The following PARP8 variants were observed in gnomAD, a reference collection of about 807,000 sequenced individuals.
The protein encoded by PARP8 is protein mono-ADP-ribosyltransferase PARP8.
PARP8 carries 51 observed loss-of-function variants against 124.1 expected under a neutral mutation model. That is an observed-to-expected ratio of 0.41 (90% confidence interval 0.33 to 0.52). The LOEUF (loss-of-function observed/expected upper bound fraction) is 0.52, where lower values mean the gene tolerates loss of function less well. Among genes scored for constraint, PARP8 ranks in the 20% least tolerant of loss-of-function variants. The pLI, the probability that PARP8 is intolerant of heterozygous loss-of-function variation, is 0.21. For synonymous variants in PARP8, 391 were observed against 361.5 expected (o/e 1.08, Z -0.93); for missense variants, 860 against 1,018.9 (o/e 0.84, Z 2.12).
intron 15 of PARP8, among the ~76,000 whole-genome samples, chr5:50,819,773 T>C (rs1745556491): frequency 6.6e-6 from 1 of 152,156 alleles, no homozygotes; most frequent in East Asian, 1.9e-4. Context: ...GATTCTTCTT[T>C]GTCAGTTCTT....
At chr5:50,794,129 T>C in intron 10 of PARP8, 78 bp from the exon 11 acceptor site, 1 of 1,452,974 alleles carries the variant, frequency 6.9e-7, no homozygotes, top group Non-Finnish European at 9.3e-7. Flanking sequence ...ATAAATGCAT[T>C]TTCTACATAA....
chr5:50,773,922 A>T (rs1393454876), intron 7 of PARP8, among the ~76,000 whole-genome samples: 1 of 149,462 alleles, frequency 6.7e-6, no homozygotes, highest in Non-Finnish European at 1.5e-5. Context: ...AATAATGGAG[A>T]GAAGGTCAGC....
intron 2 of PARP8, among the ~76,000 whole-genome samples, chr5:50,683,898 A>G (rs1751564722): frequency 6.6e-6 from 1 of 152,316 alleles, no homozygotes; most frequent in South Asian, 2.1e-4. Flanking sequence ...TCTAATATTC[A>G]TATCTTAGCA....
intron 7 of PARP8, among the ~76,000 whole-genome samples, chr5:50,769,512 A>G (rs1264839947): frequency 6.6e-6 from 1 of 152,112 alleles, no homozygotes; most frequent in African/African-American, 2.4e-5. Context: ...CAAGAATCCC[A>G]AATATGGTTA....
At chr5:50,801,601 T>C (rs1224482672) in intron 14 of PARP8, among the ~76,000 whole-genome samples, 2 of 152,174 alleles carry the variant, frequency 1.3e-5, no homozygotes, top group African/African-American at 4.8e-5. Flanking sequence ...TCAGTCCTGC[T>C]ACAGGCTTGT....
At chr5:50,760,515 G>C (rs575005459) in intron 5 of PARP8, 153 bp downstream of exon 5, 1 of 544,474 alleles carries the variant, frequency 1.8e-6, no homozygotes, top group South Asian at 7.4e-5. Flanking sequence ...GGTATGGTAG[G>C]AAGTGGCCTA....
intron 3 of PARP8, among the ~76,000 whole-genome samples, chr5:50,759,108 G>A (rs1437504141): frequency 3.3e-5 from 5 of 152,008 alleles, no homozygotes; most frequent in Admixed American, 3.3e-4. Context: ...TTTAGAGATG[G>A]GGGTTTCACC....
intron 2 of PARP8, among the ~76,000 whole-genome samples, chr5:50,723,626 T>C (rs1294632220): frequency 6.6e-6 from 1 of 152,026 alleles, no homozygotes; most frequent in Non-Finnish European, 1.5e-5. Flanking sequence ...TTAACCTCTT[T>C]TTACAATTAG....
Position 50,715,914 on chromosome 5 carries a change from G to T in PARP8, c.147-34237G>T, listed in dbSNP as rs1375126. On this transcript the variant is annotated intron_variant, in intron 2 of 25. Coordinates refer to ENST00000281631, the MANE Select transcript of PARP8 (RefSeq NM_024615.4). ...ATGGGTAAAGATAAGCACTATATTG[G>T]ATCCTTATTTGAAGTGTTCAGTTCC... is the stretch of plus-strand genomic sequence containing the variant. 3.1e-4 allele frequency among the ~76,000 whole-genome samples: 47 copies of T among 152,038 alleles called. No homozygotes were observed. In the South Asian group the frequency reaches 8.9e-3, roughly 29 times the overall value.
intron 2 of PARP8, among the ~76,000 whole-genome samples, chr5:50,680,234 A>G (rs1220605258): frequency 1.2e-4 from 18 of 151,860 alleles, no homozygotes; most frequent in South Asian, 4.2e-4. Flanking sequence ...TTTTTTCACA[A>G]CTTCCTCCCC....
intron 2 of PARP8, among the ~76,000 whole-genome samples, chr5:50,676,018 T>C (rs1750593746): frequency 6.6e-6 from 1 of 152,244 alleles, no homozygotes; most frequent in African/African-American, 2.4e-5. Flanking sequence ...TGTAGCCAAA[T>C]ATGTCTAGGA....
At position 50,757,660 on chromosome 5, in the gene PARP8, T is replaced by C. The variant is rs181193957; in HGVS notation, c.185-1983T>C. On this transcript the variant is annotated intron_variant, in intron 3 of 25. Transcript: ENST00000281631. ...AATGCTGTCTAGCCTATGCAACTTA[T>C]AGTCACCAAATTATATTCTCTTGAA... is the stretch of plus-strand genomic sequence containing the variant. Among the ~76,000 whole-genome samples, 181 of 152,318 alleles carry C rather than the reference T, an allele frequency of 1.2e-3. 1 individual carries two copies. The highest frequency in any genetic ancestry group is 4.1e-3 in the African/African-American group (169 of 41,584).
In PARP8 at chr5:50,769,460, A is replaced by G. The variant is rs181156194; in HGVS notation, c.518+6218A>G. On this transcript the variant is annotated intron_variant, in intron 7 of 25. Transcript: ENST00000281631. ...GTGATAACCTGGCTGGTGTAATTAT[A>G]AGTTGTTGTAACCATTTAAAAAGTA... is the stretch of plus-strand genomic sequence containing the variant. Among the ~76,000 whole-genome samples, 281 of 152,226 alleles carry G rather than the reference A, an allele frequency of 1.8e-3. 1 individual carries two copies. The highest frequency in any genetic ancestry group is 6.4e-3 in the African/African-American group (267 of 41,576).
chr5:50,684,108 G>A, intron 2 of PARP8, among the ~76,000 whole-genome samples: 1 of 149,700 alleles, frequency 6.7e-6, no homozygotes, highest in East Asian at 1.9e-4. Context: ...TGAATGAACA[G>A]TTTTGACTAA....
chr5:50,798,415 AT>A (rs201837670), intron 14 of PARP8, among the ~76,000 whole-genome samples: 1 of 142,816 alleles, frequency 7.0e-6, no homozygotes, highest in African/African-American at 2.6e-5. Context: ...AGCGGTTTCT[AT>A]TTTTTTTGTT....
At chr5:50,835,781 C>T (rs1747516081) in intron 25 of PARP8, among the ~76,000 whole-genome samples, 2 of 151,528 alleles carry the variant, frequency 1.3e-5, no homozygotes, top group African/African-American at 2.4e-5. Context: ...TTTTTTTTGG[C>T]ACAGCTGTAT....
intron 2 of PARP8, among the ~76,000 whole-genome samples, chr5:50,722,403 A>T (rs1755987485): frequency 6.6e-6 from 1 of 151,886 alleles, no homozygotes; most frequent in African/African-American, 2.4e-5. Flanking sequence ...CAGCTTCCCT[A>T]GTAGTTTGCA....
At chr5:50,729,691 A>G (rs1430849333) in intron 2 of PARP8, among the ~76,000 whole-genome samples, 1 of 152,176 alleles carries the variant, frequency 6.6e-6, no homozygotes, top group Non-Finnish European at 1.5e-5. Context: ...TCTTCCATCC[A>G]TCTCTTCAAG....
chr5:50,754,893 G>A (rs1269628444), intron 3 of PARP8, among the ~76,000 whole-genome samples: 1 of 152,118 alleles, frequency 6.6e-6, no homozygotes, highest in Non-Finnish European at 1.5e-5. Context: ...GTGTGAGATG[G>A]TATCTCATTG....
Sources: allele counts gnomAD v4.1 joint callset (sites outside exome capture counted in the v4.1 genomes callset), GRCh38; gene constraint gnomAD v4.1.1; transcripts MANE v1.5; gene names NCBI Gene and HGNC (gene_info 2026-07-23, HGNC 2026-07-21).